Variants in LRP1B observed in about 807,000 individuals in gnomAD.
LRP1B encodes LDL receptor related protein 1B.
Under a neutral mutation model 556.6 loss-of-function variants are expected in LRP1B, and 217 were observed. That is an observed-to-expected ratio of 0.39 (90% CI 0.35 to 0.44). The LOEUF (loss-of-function observed/expected upper bound fraction) is 0.44. Ranked by LOEUF, LRP1B falls within the 20% of genes least tolerant of loss-of-function variation. The pLI is 1.00. For missense variants in LRP1B, 5,053 were observed against 5,620.8 expected, an observed-to-expected ratio of 0.90 and a Z score of 3.23; for synonymous variants, 2,047 against 1,865.8, an observed-to-expected ratio of 1.10 and a Z score of -2.50.
rs1423241585 is a variant in LRP1B at position 142,115,850 on chromosome 2, ATATAC to A, written c.82+14793_82+14797del. Among the ~76,000 whole-genome samples, 4 of 10,688 alleles carry A rather than the reference ATATAC, an allele frequency of 3.7e-4. 2 individuals are homozygous for A. The highest frequency in any genetic ancestry group is 1.4e-3 in the African/African-American group (4 of 2,910). 7.0% of individuals were successfully genotyped at this position (10,688 alleles called of 152,430 possible). Reference sequence around the variant, plus strand: ...TATATCATATATATGTAATATATATATATACATATATATATATATGGGGGAAGTGA... The same window carrying A: ...TATATCATATATATGTAATATATATAATATATATATATATGGGGGAAGTGA... On this transcript the variant is annotated intron_variant, in intron 1 of 90. Transcript: ENST00000389484.
intron 23 of LRP1B, among the ~76,000 whole-genome samples, chr2:140,891,497 G>A (rs779231716): frequency 6.6e-6 from 1 of 152,048 alleles, no homozygotes; most frequent in Non-Finnish European, 1.5e-5. Context: ...TGCTACTTCG[G>A]AGTTTTTACT....
At chr2:140,275,432 T>G (rs1380093503) in intron 84 of LRP1B, among the ~76,000 whole-genome samples, 1 of 151,994 alleles carries the variant, frequency 6.6e-6, no homozygotes, top group African/African-American at 2.4e-5. Flanking sequence ...TCTCAATCAC[T>G]AACAGTAGTA....
At chr2:141,705,899 A>G (rs1316844271) in intron 2 of LRP1B, among the ~76,000 whole-genome samples, 1 of 152,014 alleles carries the variant, frequency 6.6e-6, no homozygotes, top group Non-Finnish European at 1.5e-5. Context: ...ATAGCATGCC[A>G]TTCAATGATT....
chr2:142,055,981 T>C (rs932590486), intron 1 of LRP1B, among the ~76,000 whole-genome samples: 3 of 152,054 alleles, frequency 2.0e-5, no homozygotes, highest in Non-Finnish European at 4.4e-5. Flanking sequence ...TGAAACCCTG[T>C]CTCTACTAAA....
At chr2:141,756,073 T>C (rs1302798801) in intron 2 of LRP1B, among the ~76,000 whole-genome samples, 1 of 152,100 alleles carries the variant, frequency 6.6e-6, no homozygotes, top group Non-Finnish European at 1.5e-5. Flanking sequence ...TTGGAACAAA[T>C]AGCTATTAGT....
chr2:140,467,082 G>A (rs1687576756), intron 60 of LRP1B, among the ~76,000 whole-genome samples: 1 of 151,668 alleles, frequency 6.6e-6, no homozygotes, highest in Non-Finnish European at 1.5e-5. Context: ...TTTTTCTCAG[G>A]AGATATTTTT....
chr2:140,576,887 T>A (rs1463272221), intron 43 of LRP1B, among the ~76,000 whole-genome samples: 2 of 152,210 alleles, frequency 1.3e-5, no homozygotes, highest in African/African-American at 4.8e-5. Flanking sequence ...CTTCCATTAA[T>A]GTTTGTTTGC....
At chr2:141,896,650 A>T (rs982657960) in intron 1 of LRP1B, among the ~76,000 whole-genome samples, 9 of 152,340 alleles carry the variant, frequency 5.9e-5, no homozygotes, top group African/African-American at 2.2e-4. Flanking sequence ...GCAAACAAAA[A>T]TGTAGGCATC....
chr2:140,467,132 G>A (rs1687578689), intron 60 of LRP1B, among the ~76,000 whole-genome samples: 1 of 151,972 alleles, frequency 6.6e-6, no homozygotes, highest in East Asian at 1.9e-4. Context: ...TATACTTTTT[G>A]AAATGCATAA....
chr2:140,341,399 GTCTT>G (rs1482753740), intron 77 of LRP1B, among the ~76,000 whole-genome samples: 7 of 151,440 alleles, frequency 4.6e-5, no homozygotes, highest in African/African-American at 9.7e-5. Context: ...ACATTCTTCA[GTCTT>G]TCTTTGAGCA....
At chr2:141,770,098 T>C (rs1188811934) in intron 2 of LRP1B, among the ~76,000 whole-genome samples, 1 of 152,124 alleles carries the variant, frequency 6.6e-6, no homozygotes, top group African/African-American at 2.4e-5. Flanking sequence ...TGATTTCTGA[T>C]TGGTTCTGGC....
At chr2:141,154,407 T>C (rs1702015849) in intron 7 of LRP1B, among the ~76,000 whole-genome samples, 1 of 151,916 alleles carries the variant, frequency 6.6e-6, no homozygotes. Context: ...CCTGTAATTA[T>C]TGAGACTATC....
intron 83 of LRP1B, among the ~76,000 whole-genome samples, chr2:140,301,410 CAA>C (rs1683813923): frequency 6.6e-6 from 1 of 151,944 alleles, no homozygotes; most frequent in African/African-American, 2.4e-5. Flanking sequence ...GCAAACAAAT[CAA>C]AGAGAAAATC....
At chr2:141,346,132 C>G (rs1346850621) in intron 3 of LRP1B, among the ~76,000 whole-genome samples, 1 of 151,554 alleles carries the variant, frequency 6.6e-6, no homozygotes, top group South Asian at 2.1e-4. Flanking sequence ...TCTTTTTCTT[C>G]CATGTTTTGT....
At chr2:140,775,843 G>A (rs1448496157) in intron 33 of LRP1B, among the ~76,000 whole-genome samples, 2 of 151,888 alleles carry the variant, frequency 1.3e-5, no homozygotes, top group Non-Finnish European at 2.9e-5. Context: ...TATTTTTTTA[G>A]TCAAGAACAG....
chr2:140,855,710 C>A (rs542938047), intron 27 of LRP1B, among the ~76,000 whole-genome samples: 2 of 152,064 alleles, frequency 1.3e-5, no homozygotes, highest in East Asian at 3.9e-4. Flanking sequence ...CATCTGTAAT[C>A]CCAGGGCTTT....
At chr2:141,105,738 C>A (rs1309192414) in intron 7 of LRP1B, among the ~76,000 whole-genome samples, 1 of 151,960 alleles carries the variant, frequency 6.6e-6, no homozygotes, top group Non-Finnish European at 1.5e-5. Context: ...CCTGGCTTTT[C>A]AAAAAATGTA....
At chr2:141,740,686 T>C (rs1235022369) in intron 2 of LRP1B, among the ~76,000 whole-genome samples, 1 of 152,216 alleles carries the variant, frequency 6.6e-6, no homozygotes, top group Non-Finnish European at 1.5e-5. Context: ...GTCTTATTCA[T>C]TCTTTCTAGC....
At chr2:140,245,663 T>G (rs1681127669) in intron 87 of LRP1B, among the ~76,000 whole-genome samples, 1 of 151,438 alleles carries the variant, frequency 6.6e-6, no homozygotes, top group African/African-American at 2.4e-5. Context: ...TAAATTAATA[T>G]GCCTCCAGAG....
Sources: gnomAD v4.1 joint callset for allele counts (sites outside exome capture counted in the v4.1 genomes callset) on GRCh38, gnomAD v4.1.1 for gene constraint, MANE v1.5 for transcripts, NCBI Gene and HGNC (gene_info 2026-07-23, HGNC 2026-07-21) for gene names.